CASZ1: variants seen among roughly 807,000 people sequenced by gnomAD.
The protein encoded by CASZ1 is castor zinc finger 1, also known as zinc finger protein castor homolog 1.
In CASZ1, 28 loss-of-function variants were observed where a neutral mutation model predicts 135.2. The observed-to-expected ratio is 0.21, with a 90% confidence interval of 0.15 to 0.28. The LOEUF is 0.28. Ranked by LOEUF, CASZ1 falls within the 10% of genes least tolerant of loss-of-function variation. The pLI is 1.00. For synonymous variants in CASZ1, 1,068 were observed against 1,073.4 expected, an observed-to-expected ratio of 0.99 and a Z score of 0.10; for missense variants, 2,161 against 2,453.3, an observed-to-expected ratio of 0.88 and a Z score of 2.52.
intron 1 of CASZ1, among the ~76,000 whole-genome samples, chr1:10,792,337 CCCCG>C (rs1640975179): frequency 2.4e-5 from 1 of 42,098 alleles, no homozygotes; most frequent in Non-Finnish European, 6.9e-5. Flanking sequence ...GCCCCCCCCC[CCCCG>C]GCCCCGCACA....
intron 4 of CASZ1, among the ~76,000 whole-genome samples, chr1:10,681,807 GGGT>G (rs1638431895): frequency 6.6e-6 from 1 of 152,216 alleles, no homozygotes; most frequent in Non-Finnish European, 1.5e-5. Flanking sequence ...TTTCCTGGAG[GGGT>G]GGGGTGGGGA....
At chr1:10,692,443 G>A (rs1638797449) in intron 4 of CASZ1, among the ~76,000 whole-genome samples, 1 of 152,096 alleles carries the variant, frequency 6.6e-6, no homozygotes, top group Non-Finnish European at 1.5e-5. Flanking sequence ...TGAGAGGGAG[G>A]TGATGAGACA....
chr1:10,714,504 C>T (rs1474792848), intron 2 of CASZ1, among the ~76,000 whole-genome samples: 1 of 152,224 alleles, frequency 6.6e-6, no homozygotes, highest in Non-Finnish European at 1.5e-5. Context: ...GTGCTCCTGG[C>T]TCCGGCCCAC....
intron 2 of CASZ1, among the ~76,000 whole-genome samples, chr1:10,705,904 T>C (rs1479604961): frequency 6.6e-6 from 1 of 152,224 alleles, no homozygotes; most frequent in East Asian, 1.9e-4. Flanking sequence ...GCCTGCACGC[T>C]CCCGTGGAGC....
chr1:10,772,760 C>T (rs951909122), intron 1 of CASZ1, among the ~76,000 whole-genome samples: 6 of 152,206 alleles, frequency 3.9e-5, no homozygotes, highest in Non-Finnish European at 5.9e-5. Flanking sequence ...GTTTGCTTCA[C>T]AGACTCTCTC....
chr1:10,787,368 C>T lies in CASZ1; in HGVS notation c.-234+9196G>A, dbSNP rs188419467. On this transcript the variant is annotated intron_variant, in intron 1 of 20. Transcript: ENST00000377022. ...GCCACCCGTGTCTCACCCCGTCCCC[C>T]GATCCCCAGCCAGAGATGCTGGGGC... 3.5e-4 allele frequency among the ~76,000 whole-genome samples: 54 copies of T among 152,342 alleles called. No individual in the cohort carries two copies. In the East Asian group the frequency reaches 7.3e-3, roughly 21 times the overall value.
chr1:10,675,838 G>A (rs1643552981), intron 4 of CASZ1, among the ~76,000 whole-genome samples: 1 of 136,816 alleles, frequency 7.3e-6, no homozygotes. Flanking sequence ...CAGCTTCCTG[G>A]GCCAGGTGGG....
intron 2 of CASZ1, among the ~76,000 whole-genome samples, chr1:10,748,343 G>A (rs570315378): frequency 2.0e-5 from 3 of 152,268 alleles, no homozygotes; most frequent in Admixed American, 2.0e-4. Context: ...TTCCTTTCCC[G>A]TTTCTCAAAC....
intron 3 of CASZ1, among the ~76,000 whole-genome samples, chr1:10,702,140 A>G (rs1431425498): frequency 1.3e-5 from 2 of 152,294 alleles, no homozygotes; most frequent in East Asian, 3.9e-4. Context: ...AACCTAGGTG[A>G]CACATGTCCG....
rs902845512 is a variant in CASZ1, at chr1:10,756,939, CA to C, written c.-77+3761del. 1.3e-5 allele frequency among the ~76,000 whole-genome samples: 2 copies of C among 152,176 alleles called. No individual in the cohort carries two copies. Among genetic ancestry groups the C allele is most frequent in the African/African-American group, 4.8e-5 (2 of 41,430 alleles). ...AAAGCCACAGTAAGAGAAACTCAGC[CA>C]ACTTTTAGACCCAATCTCAGACCCA... is the stretch of plus-strand genomic sequence containing the variant. On this transcript the variant is annotated intron_variant, in intron 2 of 20. Transcript: ENST00000377022. This position sits in a 1 kb window ranked among gnomAD's most constrained non-coding sequence, Gnocchi z 5.9.
chr1:10,640,105 G>A (rs749506491), intron 20 of CASZ1, 46 bp from the exon 21 acceptor site: 6 of 1,562,750 alleles, frequency 3.8e-6, no homozygotes, highest in South Asian at 1.2e-5. Context: ...ACCCACGTGG[G>A]CACCATCAAC....
At chr1:10,751,621 G>A (rs554197488) in intron 2 of CASZ1, among the ~76,000 whole-genome samples, 6 of 152,320 alleles carry the variant, frequency 3.9e-5, no homozygotes, top group Admixed American at 2.6e-4. Flanking sequence ...GAGCTGGCTC[G>A]AGAAACGGGG....
chr1:10,740,475 G>C (rs1022440715), intron 2 of CASZ1, among the ~76,000 whole-genome samples: 1 of 152,154 alleles, frequency 6.6e-6, no homozygotes, highest in Non-Finnish European at 1.5e-5. Flanking sequence ...TAGGGCTGAG[G>C]GTCCCCCCAA....
chr1:10,715,451 A>C (rs997639277), intron 2 of CASZ1, among the ~76,000 whole-genome samples: 4 of 151,878 alleles, frequency 2.6e-5, no homozygotes, highest in African/African-American at 4.8e-5. Context: ...AGAGAGAGGC[A>C]GCAGAGATGC....
At chr1:10,730,022 C>T (rs926296223) in intron 2 of CASZ1, among the ~76,000 whole-genome samples, 19 of 152,168 alleles carry the variant, frequency 1.2e-4, no homozygotes, top group African/African-American at 4.6e-4. Flanking sequence ...ACCATGTTGG[C>T]CAGGCTGGTC....
intron 4 of CASZ1, among the ~76,000 whole-genome samples, chr1:10,689,104 T>G (rs1638685907): frequency 2.0e-5 from 3 of 150,216 alleles, no homozygotes; most frequent in South Asian, 2.1e-4. Context: ...GCATGGGGGG[T>G]GGGCCAGGTG....
At position 10,646,355 on chromosome 1, in the gene CASZ1, A is replaced by G; in HGVS notation, c.3498-29T>C. 2 of 1,610,512 alleles carry G rather than the reference A, an allele frequency of 1.2e-6. No homozygotes were observed. The highest frequency in any genetic ancestry group is 1.1e-5 in the South Asian group (1 of 90,690). On this transcript the variant is annotated intron_variant, in intron 16 of 20. Transcript: ENST00000377022. The surrounding 1 kb of genome is among the most constrained non-coding windows in gnomAD (Gnocchi z 6.4). ...GAAGGAAACCACAGCCCAGAAGGTC[A>G]TTGCCATTCTCAAGCCCTCCCTGCT... is the stretch of plus-strand genomic sequence containing the variant.
rs369356982 is a variant in CASZ1 at position 10,756,121 on chromosome 1, G to A, written c.-77+4580C>T. On this transcript the variant is annotated intron_variant, in intron 2 of 20. Transcript: ENST00000377022. The surrounding 1 kb of genome is among the most constrained non-coding windows in gnomAD (Gnocchi z 5.9). ...AGGAAGACTGGCTGACACGCCCCTC[G>A]GAGCCAGGCAGAGGCACCAGCTGTA... 8.6e-5 allele frequency among the ~76,000 whole-genome samples: 13 copies of A among 151,984 alleles called. No homozygotes were observed. The highest frequency in any genetic ancestry group is 3.9e-4 in the East Asian group (2 of 5,168).
rs1242678133 is a variant in CASZ1 at position 10,721,214 on chromosome 1, G to A, written c.-76-15670C>T. ...TGCACAGGGTTAACTCCAGACAGAG[G>A]GGCTGGCTGGCTTTCCTTCACTCTA... is the stretch of plus-strand genomic sequence containing the variant. On this transcript the variant is annotated intron_variant, in intron 2 of 20. Transcript: ENST00000377022. The surrounding 1 kb of genome is among the most constrained non-coding windows in gnomAD (Gnocchi z 5.4). 6.6e-6 allele frequency among the ~76,000 whole-genome samples: 1 copy of A among 152,026 alleles called. No homozygotes were observed. The highest frequency in any genetic ancestry group is 2.4e-5 in the African/African-American group (1 of 41,388).
Sources: allele counts gnomAD v4.1 joint callset (sites outside exome capture counted in the v4.1 genomes callset), GRCh38; gene constraint gnomAD v4.1.1; non-coding constraint Gnocchi (gnomAD v3.1); transcripts MANE v1.5; gene names NCBI Gene and HGNC (gene_info 2026-07-23, HGNC 2026-07-21).